Variants in SCRN3 observed in about 807,000 individuals in gnomAD.
The protein encoded by SCRN3 is secernin-3.
SCRN3 carries 39 observed loss-of-function variants against 43.1 expected under a neutral mutation model. The observed-to-expected ratio is 0.91, with a 90% confidence interval of 0.70 to 1.18. The LOEUF is 1.18. Among genes scored for constraint, SCRN3 ranks in the 50% most tolerant of loss-of-function variants. SCRN3 has a pLI of 0.00. For synonymous variants in SCRN3, 147 were observed against 163.1 expected, an observed-to-expected ratio of 0.90 and a Z score of 0.75; for missense variants, 484 against 498.0, an observed-to-expected ratio of 0.97 and a Z score of 0.27.
intron 5 of SCRN3, among the ~76,000 whole-genome samples, chr2:174,413,089 C>T (rs1463894171): frequency 6.6e-6 from 1 of 151,702 alleles, no homozygotes; most frequent in East Asian, 1.9e-4. Flanking sequence ...TCAGGCTGGT[C>T]TTGAACTCCC....
intron 5 of SCRN3, among the ~76,000 whole-genome samples, chr2:174,419,454 A>G (rs1181479307): frequency 6.6e-6 from 1 of 152,154 alleles, no homozygotes; most frequent in Non-Finnish European, 1.5e-5. Context: ...ATCATAGTTT[A>G]CTGTAACCTC....
chr2:174,429,149 T>C lies in SCRN3; in HGVS notation c.*1254T>C, dbSNP rs1214495695. The C allele has an allele frequency of 2.0e-5, 3 of 152,206 alleles. No individual in the cohort carries two copies. The highest frequency in any genetic ancestry group is 2.0e-4 in the Admixed American group (3 of 15,290). 9.4% of individuals were successfully genotyped at this position (152,206 alleles called of 1,614,324 possible). A position where few individuals can be genotyped will look rare whatever the true frequency, so the allele number is the denominator to read the frequency against. On this transcript the variant is annotated 3_prime_UTR_variant, in exon 8 of 8. Transcript: ENST00000272732. ...TCAGTTGATTCTGTTTGCCTTAAGTTTGGTTCAGTGATAGGCTGTCTTCTA... is the reference window on the plus strand; with the variant it reads ...TCAGTTGATTCTGTTTGCCTTAAGTCTGGTTCAGTGATAGGCTGTCTTCTA...
chr2:174,412,047 A>G (rs1389735575), intron 5 of SCRN3, among the ~76,000 whole-genome samples: 2 of 152,158 alleles, frequency 1.3e-5, no homozygotes, highest in East Asian at 1.9e-4. Context: ...CTCTCTGAAT[A>G]TAACTAAAAA....
chr2:174,401,999 G>A (rs1685523580), intron 4 of SCRN3, among the ~76,000 whole-genome samples: 1 of 152,228 alleles, frequency 6.6e-6, no homozygotes, highest in Non-Finnish European at 1.5e-5. Context: ...TGAGCTAGAG[G>A]AGTTCAGAAA....
At position 174,399,457 on chromosome 2, in the gene SCRN3, G is replaced by A. The variant is rs1052651401; in HGVS notation, c.160-465G>A. Among the ~76,000 whole-genome samples the A allele has an allele frequency of 5.3e-5, 8 of 152,146 alleles. No homozygotes were observed. In the East Asian group the frequency reaches 1.5e-3, roughly 29 times the overall value. Reference sequence around the variant, plus strand: ...ATTATATCACTAATCAAGAAACACTGGATATTGAGGTTGAGAACTACTTCC... The same window carrying A: ...ATTATATCACTAATCAAGAAACACTAGATATTGAGGTTGAGAACTACTTCC... On this transcript the variant is annotated intron_variant, in intron 2 of 7. Transcript: ENST00000272732.
downstream of SCRN3, among the ~76,000 whole-genome samples, chr2:174,429,960 C>T (rs908259853): frequency 6.6e-6 from 1 of 152,150 alleles, no homozygotes; most frequent in African/African-American, 2.4e-5. Flanking sequence ...CTTGATAGCT[C>T]ATTTCTTTTA....
At chr2:174,422,321 C>G (rs538751979) in intron 5 of SCRN3, among the ~76,000 whole-genome samples, 12 of 152,184 alleles carry the variant, frequency 7.9e-5, no homozygotes, top group African/African-American at 2.4e-4. Context: ...ACCTGTAATC[C>G]CAGCACTTCG....
Position 174,395,762 on chromosome 2 carries a change from T to A in SCRN3, c.-65T>A. ...GTGACAGCTTCCGGCAACTGATGCC[T>A]CCACTGGCCACTCCTCCCTCCGTCC... On this transcript the variant is annotated 5_prime_UTR_variant, in exon 1 of 8. Transcript: ENST00000272732. The A allele has an allele frequency of 6.3e-7, 1 of 1,583,018 alleles. No individual in the cohort carries two copies. The highest frequency in any genetic ancestry group is 8.6e-7 in the Non-Finnish European group (1 of 1,163,842).
chr2:174,427,991 CTT>C lies in SCRN3; in HGVS notation c.*97_*98del, dbSNP rs1686550416. On this transcript the variant is annotated 3_prime_UTR_variant, in exon 8 of 8. Transcript: ENST00000272732. ...ACCTTGGTAAATTATATAAACCTAACTTGAGCAGATCTGATTATTCTTGGATA... is the reference window on the plus strand; with the variant it reads ...ACCTTGGTAAATTATATAAACCTAACGAGCAGATCTGATTATTCTTGGATA... 2 of 794,106 alleles carry C rather than the reference CTT, an allele frequency of 2.5e-6. No homozygotes were observed. The highest frequency in any genetic ancestry group is 4.0e-6 in the Non-Finnish European group (2 of 496,388). 49.2% of individuals were successfully genotyped at this position (794,106 alleles called of 1,614,324 possible).
intron 5 of SCRN3, among the ~76,000 whole-genome samples, chr2:174,409,790 C>T (rs1185022591): frequency 7.0e-6 from 1 of 143,148 alleles, no homozygotes; most frequent in Non-Finnish European, 1.6e-5. Flanking sequence ...GGGTCAGGGA[C>T]CCACTTGAGC....
chr2:174,398,839 G>A (rs950855631), intron 2 of SCRN3, among the ~76,000 whole-genome samples: 5 of 152,130 alleles, frequency 3.3e-5, no homozygotes, highest in East Asian at 1.9e-4. Context: ...CTGTGGCAGC[G>A]GAAGAGAATG....
chr2:174,419,532 A>C (rs1686222439), intron 5 of SCRN3, among the ~76,000 whole-genome samples: 1 of 151,870 alleles, frequency 6.6e-6, no homozygotes, highest in Non-Finnish European at 1.5e-5. Context: ...GGCATGCATT[A>C]CCACACCTGG....
At chr2:174,403,566 A>G (rs557048306) in intron 4 of SCRN3, among the ~76,000 whole-genome samples, 3 of 152,350 alleles carry the variant, frequency 2.0e-5, no homozygotes, top group Admixed American at 1.3e-4. Context: ...ACAATAACAT[A>G]GATGAATCTT....
At chr2:174,423,777 CTTTTT>C (rs67646903) in intron 6 of SCRN3, among the ~76,000 whole-genome samples, 3 of 95,856 alleles carry the variant, frequency 3.1e-5, no homozygotes, top group Non-Finnish European at 3.9e-5. Context: ...CCAAGTCTTC[CTTTTT>C]TTTTTTTTTT....
rs1375349804 is a variant in SCRN3, at chr2:174,409,800, C to G, written c.754+5485C>G. ...GTCAGGGGTCAGGGACCCACTTGAG[C>G]AGGCAGTCTGCCGGTTCTCAGATCT... is the stretch of plus-strand genomic sequence containing the variant. On this transcript the variant is annotated intron_variant, in intron 5 of 7. Transcript: ENST00000272732. Among the ~76,000 whole-genome samples, 1,136 of 122,872 alleles carry G rather than the reference C, an allele frequency of 9.2e-3. 26 individuals carry two copies. The highest frequency in any genetic ancestry group is 0.046 in the Middle Eastern group (8 of 174). The allele number at this position is 122,872 out of a possible 152,430, so 80.6% of individuals were successfully genotyped here.
rs1049356539 is a variant in SCRN3 at position 174,428,000 on chromosome 2, A to G, written c.*105A>G. ...AATTATATAAACCTAACTTGAGCAG[A>G]TCTGATTATTCTTGGATAGTATTCA... On this transcript the variant is annotated 3_prime_UTR_variant, in exon 8 of 8. Transcript: ENST00000272732. 9.8e-6 allele frequency: 7 copies of G among 715,916 alleles called. No individual in the cohort carries two copies. The highest frequency in any genetic ancestry group is 1.6e-5 in the Non-Finnish European group (7 of 436,712). The allele number at this position is 715,916 out of a possible 1,614,324, so 44.3% of individuals were successfully genotyped here. A position where few individuals can be genotyped will look rare whatever the true frequency, so the allele number is the denominator to read the frequency against.
At chr2:174,398,824 G>A (rs2105556925) in intron 2 of SCRN3, among the ~76,000 whole-genome samples, 1 of 152,260 alleles carries the variant, frequency 6.6e-6, no homozygotes, top group African/African-American at 2.4e-5. Context: ...AGTAACAGTA[G>A]CATGCTGTGG....
At chr2:174,403,984 C>T (rs191153071) in intron 4 of SCRN3, 119 bp from the exon 5 acceptor site, 40 of 700,602 alleles carry the variant, frequency 5.7e-5, no homozygotes, top group Non-Finnish European at 9.1e-5. Flanking sequence ...GCCCATGGCA[C>T]AAAATTTAGA....
intron 1 of SCRN3, chr2:174,396,069 T>A (rs1040403375): frequency 8.3e-7 from 1 of 1,199,998 alleles, no homozygotes; most frequent in Admixed American, 4.0e-5. Flanking sequence ...TTTTCTCATC[T>A]ATGTTATGAA....
Sources: allele counts gnomAD v4.1 joint callset (sites outside exome capture counted in the v4.1 genomes callset), GRCh38; gene constraint gnomAD v4.1.1; transcripts MANE v1.5; gene names NCBI Gene and HGNC (gene_info 2026-07-23, HGNC 2026-07-21).